The following SV2C variants were observed in gnomAD, a reference collection of about 807,000 sequenced individuals.
SV2C encodes the protein synaptic vesicle glycoprotein 2C, also known as solute carrier family 22 member B3.
In SV2C, 49 loss-of-function variants were observed where a neutral mutation model predicts 79.7. The observed-to-expected ratio is 0.61, with a 90% CI of 0.49 to 0.78. The LOEUF (loss-of-function observed/expected upper bound fraction) is 0.78. SV2C is among the 30% of genes least tolerant of loss of function. The pLI is 0.00. For missense variants in SV2C, 833 were observed against 912.9 expected, an observed-to-expected ratio of 0.91 and a Z score of 1.13; for synonymous variants, 334 against 333.2, an observed-to-expected ratio of 1.00 and a Z score of -0.03.
intron 4 of SV2C, among the ~76,000 whole-genome samples, chr5:76,284,062 T>C (rs1371377794): frequency 1.3e-5 from 2 of 152,232 alleles, no homozygotes; most frequent in Non-Finnish European, 2.9e-5. Flanking sequence ...AATTCATCTA[T>C]GCCTTTATAA....
chr5:76,018,263 G>A, the SV2C span, among the ~76,000 whole-genome samples: 3 of 152,110 alleles, frequency 2.0e-5, no homozygotes, highest in Admixed American at 1.3e-4. Flanking sequence ...TATTAAAAAT[G>A]TCTTCAGTTC....
chr5:76,100,777 G>T (rs954656003), intron 1 of SV2C, among the ~76,000 whole-genome samples: 8 of 152,150 alleles, frequency 5.3e-5, no homozygotes, highest in African/African-American at 1.7e-4. Flanking sequence ...TCGAGGTAGG[G>T]TTTCTCAACC....
intron 4 of SV2C, among the ~76,000 whole-genome samples, chr5:76,284,776 C>T (rs1295669537): frequency 6.6e-6 from 1 of 152,248 alleles, no homozygotes. Flanking sequence ...CCGGTTGATG[C>T]AGTCCACAGA....
intron 2 of SV2C, among the ~76,000 whole-genome samples, chr5:76,178,433 G>A (rs7732692): frequency 0.69 from 105,192 of 152,088 alleles, 37,512 homozygotes; most frequent in East Asian, 0.97. Flanking sequence ...CCACCATTGA[G>A]TTTTATAGCA....
chr5:76,295,958 A>G lies in SV2C; in HGVS notation c.1502+16A>G. 5 of 1,552,238 alleles carry G rather than the reference A, an allele frequency of 3.2e-6. No homozygotes were observed. The highest frequency in any genetic ancestry group is 4.3e-6 in the Non-Finnish European group (5 of 1,150,258). On this transcript the variant is annotated intron_variant, in intron 9 of 12. Transcript: ENST00000502798. ...ACAATGGCAGGTCTAGAAACTTGAA[A>G]TAATTTAATTTGCTACCTATTCACA...
chr5:76,141,122 T>G (rs1481266390), intron 2 of SV2C, among the ~76,000 whole-genome samples: 1 of 152,242 alleles, frequency 6.6e-6, no homozygotes. Context: ...GGAGGTGGAC[T>G]GAGCAGCCTG....
the SV2C span, among the ~76,000 whole-genome samples, chr5:75,933,129 A>T: frequency 2.0e-5 from 3 of 151,970 alleles, no homozygotes; most frequent in African/African-American, 7.3e-5. Context: ...ATTCTTCCTT[A>T]TCCATTAGTG....
chr5:76,005,837 T>A, the SV2C span, among the ~76,000 whole-genome samples: 3 of 152,218 alleles, frequency 2.0e-5, no homozygotes, highest in South Asian at 2.1e-4. Flanking sequence ...GGCATTTTCA[T>A]ACTTGAATTT....
chr5:76,350,366 G>T (rs1300132601), intron 12 of SV2C, among the ~76,000 whole-genome samples: 1 of 152,232 alleles, frequency 6.6e-6, no homozygotes, highest in East Asian at 1.9e-4. Flanking sequence ...CCAAGGAGAA[G>T]CAAGGCAGTC....
At chr5:75,910,502 T>C in the SV2C span, 1 of 617,142 alleles carries the variant, frequency 1.6e-6, no homozygotes, top group Non-Finnish European at 3.0e-6. Flanking sequence ...GTCTTCTGCC[T>C]GTTGATGGTA....
chr5:76,231,589 C>T lies in SV2C; in HGVS notation c.913+21702C>T, dbSNP rs568548543. On this transcript the variant is annotated intron_variant, in intron 4 of 12. Coordinates refer to ENST00000502798, the MANE Select transcript of SV2C (RefSeq NM_014979.4). ...TCTCCCAATGCTATCCCTCCCCGCT[C>T]CCCCCACTCCACCACAGTCCCCAGA... Among the ~76,000 whole-genome samples the T allele has an allele frequency of 2.3e-3, 316 of 138,542 alleles. 7 individuals carry two copies. The highest frequency in any genetic ancestry group is 9.1e-3 in the South Asian group (41 of 4,484). 90.9% of individuals were successfully genotyped at this position (138,542 alleles called of 152,430 possible).
intron 2 of SV2C, among the ~76,000 whole-genome samples, chr5:76,156,267 A>G (rs936170705): frequency 6.6e-6 from 1 of 152,204 alleles, no homozygotes; most frequent in African/African-American, 2.4e-5. Flanking sequence ...CCAAAGCCCT[A>G]TTAGGGTAGC....
chr5:76,082,790 C>T (rs1278026164), upstream of SV2C, among the ~76,000 whole-genome samples: 1 of 152,128 alleles, frequency 6.6e-6, no homozygotes, highest in Non-Finnish European at 1.5e-5. Flanking sequence ...CCCAAGTTTC[C>T]TCTGGACTTG....
the SV2C span, among the ~76,000 whole-genome samples, chr5:76,014,287 A>G: frequency 6.4e-4 from 95 of 148,064 alleles, 1 homozygote; most frequent in African/African-American, 2.3e-3. Context: ...AAAGAAAGAA[A>G]TCTTTCTCTT....
chr5:76,269,467 T>C (rs1038167535), intron 4 of SV2C, among the ~76,000 whole-genome samples: 5 of 152,190 alleles, frequency 3.3e-5, no homozygotes, highest in East Asian at 1.9e-4. Context: ...AACAAGATCG[T>C]TGATGTACGA....
At chr5:76,148,716 G>A (rs1749511737) in intron 2 of SV2C, among the ~76,000 whole-genome samples, 1 of 152,172 alleles carries the variant, frequency 6.6e-6, no homozygotes, top group Non-Finnish European at 1.5e-5. Flanking sequence ...GGCTTCTCAA[G>A]TGCTGAGATT....
intron 2 of SV2C, among the ~76,000 whole-genome samples, chr5:76,142,139 C>A (rs577709507): frequency 3.7e-4 from 56 of 152,280 alleles, no homozygotes; most frequent in Non-Finnish European, 6.6e-4. Flanking sequence ...GTATTTCTAA[C>A]ACACATATTT....
chr5:75,981,874 T>G, the SV2C span, among the ~76,000 whole-genome samples: 4 of 152,092 alleles, frequency 2.6e-5, no homozygotes, highest in African/African-American at 9.7e-5. Context: ...TAATGGGATC[T>G]AATTAAACTA....
chr5:76,176,208 C>T (rs74716153), intron 2 of SV2C, among the ~76,000 whole-genome samples: 4,954 of 152,186 alleles, frequency 0.033, 103 homozygotes, highest in African/African-American at 0.039. Flanking sequence ...AAGTGATTAC[C>T]GATGGGGAAA....
Sources: gnomAD v4.1 joint callset for allele counts (sites outside exome capture counted in the v4.1 genomes callset) on GRCh38, gnomAD v4.1.1 for gene constraint, MANE v1.5 for transcripts, NCBI Gene and HGNC (gene_info 2026-07-23, HGNC 2026-07-21) for gene names.